The following RNF168 variants were observed in gnomAD, a reference collection of about 807,000 sequenced individuals.
RNF168 encodes ring finger protein 168.
Under a neutral mutation model 34.9 loss-of-function variants are expected in RNF168, and 34 were observed. The observed-to-expected ratio is 0.97, with a 90% CI of 0.74 to 1.30. The LOEUF is 1.30. Among genes scored for constraint, RNF168 ranks in the 50% most tolerant of loss-of-function variants. RNF168 has a pLI of 0.00. For missense variants in RNF168, 725 were observed against 682.5 expected (o/e 1.06, Z -0.69); for synonymous variants, 264 against 254.7 (o/e 1.04, Z -0.35).
chr3:196,497,851 A>T (rs1732783059), intron 1 of RNF168, among the ~76,000 whole-genome samples: 1 of 151,952 alleles, frequency 6.6e-6, no homozygotes, highest in South Asian at 2.1e-4. Flanking sequence ...GCAAAGTACC[A>T]GTATTCAAAA....
Position 196,502,893 on chromosome 3 carries a change from C to G in RNF168, c.281G>C (p.Gly94Ala), listed in dbSNP as rs771618783. Residue 94 changes from glycine (G) to alanine (A), a missense_variant, in exon 1 of 6, where the codon GGC becomes GCC. Transcript: ENST00000318037. Reference protein sequence around the residue: ...YPRECKLRASGQESEEVADDY... With the variant: ...YPRECKLRASAQESEEVADDY... ...CTCACCCACTTCCTCTGATTCTTGG[C>G]CAGACGCTCTAAGCTTGCACTCCCT... The G allele has an allele frequency of 6.2e-7, 1 of 1,614,094 alleles. No individual in the cohort carries two copies. Among genetic ancestry groups the G allele is most frequent in the Non-Finnish European group, 8.5e-7 (1 of 1,179,946 alleles).
chr3:196,498,796 A>T (rs938220221), intron 1 of RNF168, among the ~76,000 whole-genome samples: 1 of 152,066 alleles, frequency 6.6e-6, no homozygotes, highest in Non-Finnish European at 1.5e-5. Context: ...GGAGTTCGAC[A>T]CCAGGCTGGG....
chr3:196,503,608 G>A lies in RNF168; in HGVS notation c.-435C>T. The A allele has an allele frequency of 4.2e-6, 1 of 237,426 alleles. No homozygotes were observed. Among genetic ancestry groups the A allele is most frequent in the Non-Finnish European group, 8.5e-6 (1 of 117,332 alleles). 14.7% of individuals were successfully genotyped at this position (237,426 alleles called of 1,614,324 possible). On this transcript the variant is annotated 5_prime_UTR_variant, in exon 1 of 6. The change creates a premature stop within an existing upstream ORF in the 5' untranslated region. Coordinates refer to ENST00000318037, the MANE Select transcript of RNF168 (RefSeq NM_152617.4). ...CCGGGAGGAAGCCCGGGCTCCGGCT[G>A]CAGCATAACTTCCGCTTTACCGCTG...
intron 4 of RNF168, among the ~76,000 whole-genome samples, chr3:196,476,918 T>C (rs1413197118): frequency 6.6e-6 from 1 of 151,646 alleles, no homozygotes; most frequent in Admixed American, 6.6e-5. Context: ...CTGCTAATTT[T>C]TGTATTTTTA....
chr3:196,495,735 T>C (rs1732725927), intron 1 of RNF168, among the ~76,000 whole-genome samples: 1 of 152,198 alleles, frequency 6.6e-6, no homozygotes, highest in Admixed American at 6.5e-5. Context: ...ATTTTCAGAC[T>C]ATATGAGTCC....
chr3:196,482,487 T>C (rs1404806343), intron 4 of RNF168, among the ~76,000 whole-genome samples: 1 of 152,238 alleles, frequency 6.6e-6, no homozygotes, highest in Admixed American at 6.5e-5. Flanking sequence ...CTGGGTCATA[T>C]GCTAATTCCG....
chr3:196,502,747 A>G, intron 1 of RNF168, 126 bp downstream of exon 1: 5 of 825,812 alleles, frequency 6.1e-6, no homozygotes, highest in Non-Finnish European at 1.0e-5. Flanking sequence ...CTAACCTCTG[A>G]GAACTATTTA....
In RNF168 at chr3:196,475,282, T is replaced by C; in HGVS notation, c.711A>G (p.Ser237=). 1 of 1,611,522 alleles carries C rather than the reference T, an allele frequency of 6.2e-7. No homozygotes were observed. The highest frequency in any genetic ancestry group is 8.5e-7 in the Non-Finnish European group (1 of 1,177,594). Residue 237 remains serine, a synonymous_variant, in exon 5 of 6, where the codon TCA becomes TCG. Transcript: ENST00000318037. Reference sequence around the variant, plus strand: ...CTTGTACAGCTTCAGAGTGTGAGGCTGACCCAAACTGAGATTTCGGTGTCA... The same window carrying C: ...CTTGTACAGCTTCAGAGTGTGAGGCCGACCCAAACTGAGATTTCGGTGTCA... ...KYLTPKSQFG[S]ASHSEAVQEV...
intron 4 of RNF168, among the ~76,000 whole-genome samples, chr3:196,482,068 T>C (rs2342369): frequency 2.0e-5 from 3 of 150,608 alleles, no homozygotes; most frequent in Non-Finnish European, 4.4e-5. Flanking sequence ...CAGCCTCCCA[T>C]GTAGCTGGGA....
intron 1 of RNF168, among the ~76,000 whole-genome samples, chr3:196,500,608 C>T (rs907536571): frequency 2.0e-5 from 3 of 152,236 alleles, no homozygotes; most frequent in South Asian, 2.1e-4. Flanking sequence ...TGAACGGAGG[C>T]GATGCCACTG....
At chr3:196,496,654 T>A (rs1309543656) in intron 1 of RNF168, among the ~76,000 whole-genome samples, 1 of 152,242 alleles carries the variant, frequency 6.6e-6, no homozygotes, top group African/African-American at 2.4e-5. Context: ...TTAAGTTCAA[T>A]GCAACCCCAA....
At chr3:196,498,184 G>C (rs113447610) in intron 1 of RNF168, among the ~76,000 whole-genome samples, 10,225 of 152,140 alleles carry the variant, frequency 0.067, 412 homozygotes, top group Middle Eastern at 0.2. Context: ...TTGAGATGGA[G>C]TCTCACTCTG....
chr3:196,497,841 G>T (rs1732782911), intron 1 of RNF168, among the ~76,000 whole-genome samples: 2 of 152,018 alleles, frequency 1.3e-5, no homozygotes, highest in Admixed American at 1.3e-4. Flanking sequence ...AGAATATCTG[G>T]CAAAGTACCA....
At chr3:196,496,975 G>C (rs1475386082) in intron 1 of RNF168, among the ~76,000 whole-genome samples, 1 of 151,892 alleles carries the variant, frequency 6.6e-6, no homozygotes, top group Non-Finnish European at 1.5e-5. Context: ...TGAAACTCCC[G>C]TCTCTATTAA....
intron 1 of RNF168, among the ~76,000 whole-genome samples, chr3:196,492,740 T>TGCACTCCAGCCTGGGTGACAGAGAG (rs1305109896): frequency 1.3e-5 from 2 of 152,022 alleles, no homozygotes; most frequent in Non-Finnish European, 2.9e-5. Flanking sequence ...ATCGCACCAT[T>TGCACTCCAGCCTGGGTGACAGAGAG]GCACTCCAGC....
At chr3:196,491,482 T>C (rs55997345) in intron 1 of RNF168, among the ~76,000 whole-genome samples, 38,804 of 151,644 alleles carry the variant, frequency 0.26, 6,736 homozygotes, top group East Asian at 0.81. Flanking sequence ...AACCCGTCTC[T>C]ACCAAAAAAT....
Position 196,503,214 on chromosome 3 carries a change from A to T in RNF168, c.-41T>A, listed in dbSNP as rs1219438255. On this transcript the variant is annotated 5_prime_UTR_variant, in exon 1 of 6. Coordinates refer to ENST00000318037, the MANE Select transcript of RNF168 (RefSeq NM_152617.4). Reference sequence around the variant, plus strand: ...AAGCCGACTAAACAACGACACCTGCACGAAAAAGAATCCTATTTTCGGCCA... The same window carrying T: ...AAGCCGACTAAACAACGACACCTGCTCGAAAAAGAATCCTATTTTCGGCCA... 6.4e-7 allele frequency: 1 copy of T among 1,572,436 alleles called. No homozygotes were observed. Among genetic ancestry groups the T allele is most frequent in the African/African-American group, 1.4e-5 (1 of 74,066 alleles).
At chr3:196,480,939 T>C (rs930759851) in intron 4 of RNF168, among the ~76,000 whole-genome samples, 1 of 152,180 alleles carries the variant, frequency 6.6e-6, no homozygotes, top group Non-Finnish European at 1.5e-5. Context: ...GCCACCATGC[T>C]TGCCTCAGAT....
chr3:196,470,156 C>T lies in RNF168; in HGVS notation c.*1663G>A, dbSNP rs1179620633. On this transcript the variant is annotated 3_prime_UTR_variant, in exon 6 of 6. Coordinates refer to ENST00000318037, the MANE Select transcript of RNF168 (RefSeq NM_152617.4). ...GATCCAGACTGTCAGTCACCCCATC[C>T]AGCCTCATCCTCATCTGGACCCATT... The T allele has an allele frequency of 6.6e-6, 1 of 152,094 alleles. No homozygotes were observed. Among genetic ancestry groups the T allele is most frequent in the Non-Finnish European group, 1.5e-5 (1 of 68,208 alleles). 9.4% of individuals were successfully genotyped at this position (152,094 alleles called of 1,614,324 possible).
Sources: gnomAD v4.1 joint callset for allele counts (sites outside exome capture counted in the v4.1 genomes callset) on GRCh38, gnomAD v4.1.1 for gene constraint, MANE v1.5 for transcripts, NCBI Gene and HGNC (gene_info 2026-07-23, HGNC 2026-07-21) for gene names.